GNA13: variants seen among roughly 807,000 people sequenced by gnomAD.
GNA13 encodes G protein subunit alpha 13.
A neutral mutation model predicts 33.5 loss-of-function variants in GNA13; 4 were observed. That is an observed-to-expected ratio of 0.12 (90% CI 0.06 to 0.27). The LOEUF (loss-of-function observed/expected upper bound fraction) is 0.27. Among genes scored for constraint, GNA13 ranks in the 10% least tolerant of loss-of-function variants. The pLI is 1.00. For missense variants in GNA13, 319 were observed against 487.2 expected, an observed-to-expected ratio of 0.65 and a Z score of 3.25; for synonymous variants, 176 against 183.8, an observed-to-expected ratio of 0.96 and a Z score of 0.34.
rs569989036 is a variant in GNA13 at position 65,021,985 on chromosome 17, C to A, written c.511-3682G>T. Among the ~76,000 whole-genome samples, 5 of 152,260 alleles carry A rather than the reference C, an allele frequency of 3.3e-5. No homozygotes were observed. The East Asian group carries it at 9.6e-4, about 29-fold the overall frequency. On this transcript the variant is annotated intron_variant, in intron 2 of 3. Coordinates refer to ENST00000439174, the MANE Select transcript of GNA13 (RefSeq NM_006572.6). Reference sequence around the variant, plus strand: ...ATTACTATTATGGCAGAAGGAAGAGCTGGTTGAGAGCAAATGGATTGCTCC... The same window carrying A: ...ATTACTATTATGGCAGAAGGAAGAGATGGTTGAGAGCAAATGGATTGCTCC...
At chr17:65,022,714 A>G (rs1906628473) in intron 2 of GNA13, among the ~76,000 whole-genome samples, 1 of 152,252 alleles carries the variant, frequency 6.6e-6, no homozygotes, top group African/African-American at 2.4e-5. Context: ...CAAAAAATGA[A>G]ATGAGACTGC....
At chr17:65,021,142 T>C (rs1906567736) in intron 2 of GNA13, among the ~76,000 whole-genome samples, 1 of 152,224 alleles carries the variant, frequency 6.6e-6, no homozygotes. Flanking sequence ...CAATATTTCT[T>C]TAGCCTTGTG....
Position 65,018,265 on chromosome 17 carries a change from T to C in GNA13, c.549A>G (p.Lys183=). The stretch of plus-strand genomic sequence containing the variant: ...TTTAAACACTTACTGGTTCTCCAAG[T>C]TTATCCAAGTTATCCAGGAAATATT... ...SVKYFLDNLD[K]LGEPDYIPSQ... is the part of the protein sequence containing the mutation. Residue 183 remains lysine (K), a synonymous_variant, in exon 3 of 4, where the codon AAA becomes AAG. Coordinates refer to ENST00000439174, the MANE Select transcript of GNA13 (RefSeq NM_006572.6). 2 of 1,527,652 alleles carry C rather than the reference T, an allele frequency of 1.3e-6. No homozygotes were observed. The highest frequency in any genetic ancestry group is 9.1e-7 in the Non-Finnish European group (1 of 1,101,274). 94.6% of individuals were successfully genotyped at this position (1,527,652 alleles called of 1,614,324 possible).
intron 2 of GNA13, among the ~76,000 whole-genome samples, chr17:65,037,386 TG>T: frequency 6.6e-6 from 1 of 152,174 alleles, no homozygotes; most frequent in Admixed American, 6.5e-5. Flanking sequence ...CCTTCTAGGC[TG>T]GCCTCTCCCT....
chr17:65,043,537 T>G (rs1455855475), intron 2 of GNA13, among the ~76,000 whole-genome samples: 1 of 152,144 alleles, frequency 6.6e-6, no homozygotes, highest in Non-Finnish European at 1.5e-5. Flanking sequence ...TCTGCTCACC[T>G]CAGCCTTCCA....
At chr17:65,030,942 A>G (rs565437715) in intron 2 of GNA13, among the ~76,000 whole-genome samples, 2 of 152,364 alleles carry the variant, frequency 1.3e-5, no homozygotes, top group South Asian at 4.1e-4. Flanking sequence ...TAAACAACTC[A>G]AAAAATATTG....
intron 2 of GNA13, among the ~76,000 whole-genome samples, chr17:65,046,480 C>A (rs1457756890): frequency 3.9e-5 from 6 of 152,088 alleles, no homozygotes; most frequent in Admixed American, 3.3e-4. Flanking sequence ...TTTGTAGAGA[C>A]AGGATCTTGC....
chr17:65,016,713 C>T (rs1906384104), intron 3 of GNA13, among the ~76,000 whole-genome samples: 1 of 152,244 alleles, frequency 6.6e-6, no homozygotes, highest in East Asian at 1.9e-4. Context: ...TGGCAACCAA[C>T]AGCCATTCAT....
intron 2 of GNA13, among the ~76,000 whole-genome samples, chr17:65,020,947 G>A (rs1180223493): frequency 1.3e-5 from 2 of 151,940 alleles, no homozygotes; most frequent in Non-Finnish European, 2.9e-5. Context: ...CACCATGACC[G>A]GCCTGGAAAT....
intron 2 of GNA13, among the ~76,000 whole-genome samples, chr17:65,045,042 C>CAA (rs1244382117): frequency 1.1e-4 from 6 of 53,272 alleles, no homozygotes; most frequent in South Asian, 6.1e-4. Context: ...GACTCCATCT[C>CAA]AAAAAAAAAA....
intron 1 of GNA13, 53 bp downstream of exon 1, chr17:65,056,254 CGCCG>C: frequency 3.0e-5 from 34 of 1,118,580 alleles, no homozygotes; most frequent in East Asian, 8.8e-5. Context: ...GCCCCGCACC[CGCCG>C]CCGCCCCAGC....
At chr17:65,053,092 T>C (rs1907913358) in intron 2 of GNA13, 1 of 161,920 alleles carries the variant, frequency 6.2e-6, no homozygotes, top group African/African-American at 2.4e-5. Context: ...CATTAAATTA[T>C]GGAAGTCAGT....
chr17:65,015,497 C>A (rs535991951), intron 3 of GNA13, among the ~76,000 whole-genome samples: 2 of 151,858 alleles, frequency 1.3e-5, no homozygotes, highest in African/African-American at 4.8e-5. Flanking sequence ...CCCATCTCTA[C>A]TAAAAATACA....
chr17:65,015,243 C>T (rs1319221734), intron 3 of GNA13, among the ~76,000 whole-genome samples: 1 of 152,172 alleles, frequency 6.6e-6, no homozygotes, highest in African/African-American at 2.4e-5. Flanking sequence ...ATTGTTCTTA[C>T]CCACCCTCAC....
intron 2 of GNA13, among the ~76,000 whole-genome samples, chr17:65,032,301 C>T (rs1907079658): frequency 6.6e-6 from 1 of 152,172 alleles, no homozygotes; most frequent in African/African-American, 2.4e-5. Flanking sequence ...CCCACCCTAT[C>T]TGTCCTTTCT....
rs751800769 is a variant in GNA13, at chr17:65,053,477, C to T, written c.510+25G>A. 29 of 1,375,114 alleles carry T rather than the reference C, an allele frequency of 2.1e-5. No homozygotes were observed. The Admixed American group carries it at 2.9e-4, about 14-fold the overall frequency. The allele number at this position is 1,375,114 out of a possible 1,614,324, so 85.2% of individuals were successfully genotyped here. A position where few individuals can be genotyped will look rare whatever the true frequency, so the allele number is the denominator to read the frequency against. On this transcript the variant is annotated intron_variant, in intron 2 of 3. Transcript: ENST00000439174. Reference sequence around the variant, plus strand: ...TAAACATCATTAAAATAAAACCACACGTTTTAAAAGAGCAAATCTCTTACC... The same window carrying T: ...TAAACATCATTAAAATAAAACCACATGTTTTAAAAGAGCAAATCTCTTACC...
chr17:65,026,301 G>A (rs1906782554), intron 2 of GNA13, among the ~76,000 whole-genome samples: 1 of 151,566 alleles, frequency 6.6e-6, no homozygotes, highest in East Asian at 1.9e-4. Context: ...TCTGAGTCAG[G>A]TCAGAGTCCC....
chr17:65,038,557 T>C (rs1338740036), intron 2 of GNA13, among the ~76,000 whole-genome samples: 3 of 152,088 alleles, frequency 2.0e-5, no homozygotes, highest in Admixed American at 6.5e-5. Context: ...ACCACAGGCA[T>C]ACACCATCGT....
At position 65,012,840 on chromosome 17, in the gene GNA13, G is replaced by C. The variant is rs562331969; in HGVS notation, c.*1417C>G. The C allele has an allele frequency of 4.6e-6, 1 of 217,904 alleles. No homozygotes were observed. Among genetic ancestry groups the C allele is most frequent in the Non-Finnish European group, 9.2e-6 (1 of 108,420 alleles). 13.5% of individuals were successfully genotyped at this position (217,904 alleles called of 1,614,324 possible). On this transcript the variant is annotated 3_prime_UTR_variant, in exon 4 of 4. Transcript: ENST00000439174. ...AAGCTGTCAGACTTTTCAAGCTGTC[G>C]CCAGCCTTGGACTTCTGTTTCTCTA...
Sources: gnomAD v4.1 joint callset for allele counts (sites outside exome capture counted in the v4.1 genomes callset) on GRCh38, gnomAD v4.1.1 for gene constraint, MANE v1.5 for transcripts, NCBI Gene and HGNC (gene_info 2026-07-23, HGNC 2026-07-21) for gene names.